Variants in NOL10 observed in about 807,000 individuals in gnomAD.
NOL10 encodes nucleolar protein 10, also known as H_NH0074G24.1.
A neutral mutation model predicts 103.5 loss-of-function variants in NOL10; 58 were observed. The ratio of observed to expected loss-of-function variants is 0.56; its 90% confidence interval spans 0.45 to 0.70. The LOEUF is 0.70. Among genes scored for constraint, NOL10 ranks in the 30% least tolerant of loss-of-function variants. The pLI is 0.00. For synonymous variants in NOL10, 287 were observed against 282.5 expected (o/e 1.02, Z -0.16); for missense variants, 763 against 807.3 (o/e 0.95, Z 0.67).
At chr2:10,622,847 TG>T (rs1677226552) in intron 13 of NOL10, among the ~76,000 whole-genome samples, 1 of 152,188 alleles carries the variant, frequency 6.6e-6, no homozygotes, top group South Asian at 2.1e-4. Context: ...CTCATATATA[TG>T]AAGAGTCAGA....
At chr2:10,648,660 G>A (rs1024209318) in intron 12 of NOL10, among the ~76,000 whole-genome samples, 1 of 152,062 alleles carries the variant, frequency 6.6e-6, no homozygotes, top group Non-Finnish European at 1.5e-5. Flanking sequence ...TCAGCAGCCT[G>A]CACATTACTC....
In NOL10 at chr2:10,644,286, T is replaced by A. The variant is rs1337648120; in HGVS notation, c.1026+34A>T. The A allele has an allele frequency of 2.9e-6, 4 of 1,397,492 alleles. No homozygotes were observed. In the East Asian group the frequency reaches 1.1e-4, roughly 38 times the overall value. The allele number at this position is 1,397,492 out of a possible 1,614,324, so 86.6% of individuals were successfully genotyped here. A position where few individuals can be genotyped will look rare whatever the true frequency, so the allele number is the denominator to read the frequency against. On this transcript the variant is annotated intron_variant, in intron 13 of 20. Coordinates refer to ENST00000381685, the MANE Select transcript of NOL10 (RefSeq NM_024894.4). ...TAATAAAAAGTATCTTTGCTTGTCC[T>A]ATTTTTACTGAAACTCCTCTTTGTA...
Position 10,689,928 on chromosome 2 carries a change from G to T in NOL10, c.-67C>A, listed in dbSNP as rs935435808. ...CAGCGTGCTCGAGCACCGTAATCCC[G>T]GGACCTCCGAGCCCCTGCTCCGCGG... is the stretch of plus-strand genomic sequence containing the variant. On this transcript the variant is annotated 5_prime_UTR_variant, in exon 1 of 21. Coordinates refer to ENST00000381685, the MANE Select transcript of NOL10 (RefSeq NM_024894.4). 2.0e-6 allele frequency: 3 copies of T among 1,471,438 alleles called. No homozygotes were observed. The highest frequency in any genetic ancestry group is 1.4e-5 in the African/African-American group (1 of 71,518). The allele number at this position is 1,471,438 out of a possible 1,614,324, so 91.1% of individuals were successfully genotyped here.
At chr2:10,620,030 C>T (rs1053325491) in intron 13 of NOL10, among the ~76,000 whole-genome samples, 2 of 152,170 alleles carry the variant, frequency 1.3e-5, no homozygotes, top group African/African-American at 4.8e-5. Flanking sequence ...AGGCACTACG[C>T]CAATTTTTTT....
chr2:10,585,166 T>C (rs1208724059), intron 19 of NOL10, among the ~76,000 whole-genome samples: 1 of 152,232 alleles, frequency 6.6e-6, no homozygotes, highest in Non-Finnish European at 1.5e-5. Context: ...GCCCACTCTA[T>C]TCTAAGTACT....
chr2:10,598,437 T>A (rs6750891), intron 17 of NOL10, among the ~76,000 whole-genome samples: 6 of 152,058 alleles, frequency 3.9e-5, no homozygotes, highest in African/African-American at 1.5e-4. Context: ...AAGGGAGTTA[T>A]AGAAGAAAGA....
intron 13 of NOL10, among the ~76,000 whole-genome samples, chr2:10,642,260 G>A (rs192736538): frequency 1.3e-5 from 2 of 152,248 alleles, no homozygotes; most frequent in East Asian, 1.9e-4. Context: ...TGAATCGTCT[G>A]CAAGTACTGC....
chr2:10,636,024 T>C (rs1678184640), intron 13 of NOL10, among the ~76,000 whole-genome samples: 1 of 152,158 alleles, frequency 6.6e-6, no homozygotes, highest in Non-Finnish European at 1.5e-5. Flanking sequence ...TAGCTGGGAT[T>C]ACAGGCACGT....
At chr2:10,668,421 G>T (rs1038022119) in intron 7 of NOL10, among the ~76,000 whole-genome samples, 20 of 152,026 alleles carry the variant, frequency 1.3e-4, no homozygotes, top group African/African-American at 4.8e-4. Flanking sequence ...AATAAACTGA[G>T]TATTTTTAAC....
At chr2:10,590,616 C>G (rs1183193039) in intron 17 of NOL10, among the ~76,000 whole-genome samples, 1 of 152,172 alleles carries the variant, frequency 6.6e-6, no homozygotes, top group Non-Finnish European at 1.5e-5. Context: ...CATCAATATT[C>G]CCCCTCAGGT....
chr2:10,604,394 A>C (rs1002154483), intron 14 of NOL10, among the ~76,000 whole-genome samples: 1 of 152,248 alleles, frequency 6.6e-6, no homozygotes, highest in Non-Finnish European at 1.5e-5. Context: ...TATGTTATAG[A>C]ACAATATAAA....
At chr2:10,572,326 G>T in intron 20 of NOL10, 136 bp from the exon 21 acceptor site, 1 of 946,226 alleles carries the variant, frequency 1.1e-6, no homozygotes, top group Non-Finnish European at 1.6e-6. Flanking sequence ...ACAGGCTCCA[G>T]GGGACATGGT....
At chr2:10,671,170 G>C (rs1680911073) in intron 6 of NOL10, among the ~76,000 whole-genome samples, 1 of 152,130 alleles carries the variant, frequency 6.6e-6, no homozygotes, top group African/African-American at 2.4e-5. Flanking sequence ...AAGTCTAGAA[G>C]ATAAACAGAT....
chr2:10,671,608 C>T lies in NOL10; in HGVS notation c.410G>A (p.Gly137Glu). 6.2e-7 allele frequency: 1 copy of T among 1,601,290 alleles called. No individual in the cohort carries two copies. Among genetic ancestry groups the T allele is most frequent in the South Asian group, 1.1e-5 (1 of 88,582 alleles). The change falls in exon 6 of 21, where the codon GGG (glycine) becomes GAG (glutamate). Residue 137 changes from glycine (G) to glutamate (E), a missense_variant. Transcript: ENST00000381685. The part of the protein sequence containing the change: ...FYYKTRIPKF[G>E]RDFSYHYPSC... Reference sequence around the variant, plus strand: ...TGGATAGTGGTAAGAGAAATCTCTCCCAAACTTTGGTATTCTGGTTTTGTA... The same window carrying T: ...TGGATAGTGGTAAGAGAAATCTCTCTCAAACTTTGGTATTCTGGTTTTGTA...
At chr2:10,615,750 G>A (rs1676800433) in intron 13 of NOL10, among the ~76,000 whole-genome samples, 1 of 152,140 alleles carries the variant, frequency 6.6e-6, no homozygotes, top group Non-Finnish European at 1.5e-5. Flanking sequence ...AGAACTTCAA[G>A]GCTCTAAGCA....
chr2:10,663,055 G>A lies in NOL10; in HGVS notation c.592-11C>T, dbSNP rs372814684. ...GCACTCCACTCTACCCTATGCAAAT[G>A]AAAAACAATTTTAAATAAAAGCTGT... On this transcript the variant is annotated splice_polypyrimidine_tract_variant and intron_variant, in intron 8 of 20. Coordinates refer to ENST00000381685, the MANE Select transcript of NOL10 (RefSeq NM_024894.4). The A allele has an allele frequency of 1.2e-6, 2 of 1,610,668 alleles. No individual in the cohort carries two copies. The highest frequency in any genetic ancestry group is 2.7e-5 in the African/African-American group (2 of 74,838).
intron 5 of NOL10, among the ~76,000 whole-genome samples, chr2:10,672,080 C>A (rs1269610038): frequency 6.6e-6 from 1 of 152,154 alleles, no homozygotes; most frequent in African/African-American, 2.4e-5. Flanking sequence ...GTAATCCCAG[C>A]ACTTTGGGAG....
chr2:10,626,513 T>A (rs952873446), intron 13 of NOL10, among the ~76,000 whole-genome samples: 29 of 152,156 alleles, frequency 1.9e-4, no homozygotes, highest in African/African-American at 6.3e-4. Context: ...TACCTTCTTT[T>A]TTAAGGAAAA....
intron 17 of NOL10, among the ~76,000 whole-genome samples, chr2:10,598,810 A>G (rs200857350): frequency 1.7e-5 from 2 of 117,018 alleles, no homozygotes; most frequent in Non-Finnish European, 3.6e-5. Context: ...TAAAAGAAAG[A>G]AAATAAAATA....
Sources: allele counts gnomAD v4.1 joint callset (sites outside exome capture counted in the v4.1 genomes callset), GRCh38; gene constraint gnomAD v4.1.1; transcripts MANE v1.5; gene names NCBI Gene and HGNC (gene_info 2026-07-23, HGNC 2026-07-21).